The following SREBF2 variants were observed in gnomAD, a reference collection of about 807,000 sequenced individuals.
SREBF2 encodes the protein sterol regulatory element binding transcription factor 2.
A neutral mutation model predicts 113.1 loss-of-function variants in SREBF2; 55 were observed. That is an observed-to-expected ratio of 0.49 (90% CI 0.39 to 0.61). SREBF2 has a LOEUF of 0.61. Ranked by LOEUF, SREBF2 falls within the 20% of genes least tolerant of loss-of-function variation. The pLI, the probability that SREBF2 is intolerant of heterozygous loss-of-function variation, is 0.00. For synonymous variants in SREBF2, 593 were observed against 605.7 expected, an observed-to-expected ratio of 0.98 and a Z score of 0.31; for missense variants, 1,349 against 1,487.4, an observed-to-expected ratio of 0.91 and a Z score of 1.53.
intron 1 of SREBF2, among the ~76,000 whole-genome samples, chr22:41,836,053 C>T (rs1423837062): frequency 6.6e-6 from 1 of 152,232 alleles, no homozygotes; most frequent in Admixed American, 6.5e-5. Context: ...CTTCATAGGT[C>T]CATTAGGTTT....
intron 1 of SREBF2, among the ~76,000 whole-genome samples, chr22:41,862,341 A>G (rs1046815635): frequency 6.6e-6 from 1 of 152,324 alleles, no homozygotes. Context: ...CAGAACCCAG[A>G]TACAGTTTCC....
In SREBF2 at chr22:41,893,146, G is replaced by A; in HGVS notation, c.2238G>A (p.Leu746=). The A allele has an allele frequency of 6.2e-7, 1 of 1,614,038 alleles. No homozygotes were observed. The highest frequency in any genetic ancestry group is 1.1e-5 in the South Asian group (1 of 91,082). ...ACTTCCTCAGCCGAGCCCAGAGCCT[G>A]TGTGGCCCCGAGCACAGTGCTGTTC... The part of the protein sequence containing the change: ...ASYFLSRAQS[L]CGPEHSAVPD... The change falls in exon 12 of 19, where the codon CTG becomes CTA. Residue 746 remains leucine (L), a synonymous_variant. Coordinates refer to ENST00000361204, the MANE Select transcript of SREBF2 (RefSeq NM_004599.4).
chr22:41,857,577 G>A (rs1224010357), intron 1 of SREBF2, among the ~76,000 whole-genome samples: 2 of 152,128 alleles, frequency 1.3e-5, no homozygotes, highest in Non-Finnish European at 2.9e-5. Context: ...ACAAGCATTT[G>A]AGAATCCGCA....
intron 1 of SREBF2, among the ~76,000 whole-genome samples, chr22:41,865,162 C>A (rs1459000963): frequency 6.6e-6 from 1 of 152,030 alleles, no homozygotes; most frequent in East Asian, 1.9e-4. Flanking sequence ...CACACACACA[C>A]ACACACAGCA....
At chr22:41,875,799 T>C in intron 7 of SREBF2, 75 bp downstream of exon 7, 1 of 1,535,176 alleles carries the variant, frequency 6.5e-7, no homozygotes, top group Non-Finnish European at 9.0e-7. Context: ...GAGGTCACAG[T>C]TATGAGGCCA....
chr22:41,847,451 T>C (rs1374530972), intron 1 of SREBF2, among the ~76,000 whole-genome samples: 1 of 152,186 alleles, frequency 6.6e-6, no homozygotes, highest in Non-Finnish European at 1.5e-5. Context: ...AGCTGGGAGA[T>C]ACAGGAAAGA....
chr22:41,894,882 T>C lies in SREBF2; in HGVS notation c.2440T>C (p.Ser814Pro), dbSNP rs748444828. The C allele has an allele frequency of 1.2e-6, 2 of 1,613,738 alleles. No individual in the cohort carries two copies. Among genetic ancestry groups the C allele is most frequent in the East Asian group, 4.5e-5 (2 of 44,876 alleles). The change falls in exon 13 of 19, where the codon TCC (serine) becomes CCC (proline). Residue 814 changes from serine to proline, a missense_variant. This residue lies in a region of SREBF2 where 650 missense variants were observed against 644.1 expected (regional missense o/e 1.01). Transcript: ENST00000361204. ...CKNLLERAIE[S>P]LVKPQAKKKA... Reference sequence around the variant, plus strand: ...GAACCTGCTGGAGCGAGCTATAGAGTCCTTGGTGAAACCTCAGGCCAAGAA... The same window carrying C: ...GAACCTGCTGGAGCGAGCTATAGAGCCCTTGGTGAAACCTCAGGCCAAGAA...
intron 1 of SREBF2, among the ~76,000 whole-genome samples, chr22:41,836,384 A>G (rs1312423362): frequency 6.6e-6 from 1 of 152,248 alleles, no homozygotes; most frequent in Admixed American, 6.5e-5. Flanking sequence ...CACAACAAGT[A>G]AAAGTCAGCA....
In SREBF2 at chr22:41,906,751, G is replaced by GACCA. The variant is rs901652467; in HGVS notation, c.*1095_*1098dup. Reference sequence around the variant, plus strand: ...AAAATAAATAAACCAGGATGGCAGGGACCAACCCCTAATCCCTCCCCAGCG... The same window carrying GACCA: ...AAAATAAATAAACCAGGATGGCAGGGACCAACCAACCCCTAATCCCTCCCCAGCG... On this transcript the variant is annotated 3_prime_UTR_variant, in exon 19 of 19. Coordinates refer to ENST00000361204, the MANE Select transcript of SREBF2 (RefSeq NM_004599.4). 1.6e-4 allele frequency: 25 copies of GACCA among 152,270 alleles called. No individual in the cohort carries two copies. Among genetic ancestry groups the GACCA allele is most frequent in the Admixed American group, 1.4e-3 (22 of 15,298 alleles). The allele number at this position is 152,270 out of a possible 1,614,324, so 9.4% of individuals were successfully genotyped here. A position where few individuals can be genotyped will look rare whatever the true frequency, so the allele number is the denominator to read the frequency against.
Position 41,833,282 on chromosome 22 carries a change from C to G in SREBF2, c.12C>G (p.Ser4Arg). Residue 4 changes from serine (S) to arginine (R), a missense_variant, in exon 1 of 19, where the codon AGC becomes AGG. Physicochemically the swap from Ser to Arg is moderately radical, Grantham distance 110. Coordinates refer to ENST00000361204, the MANE Select transcript of SREBF2 (RefSeq NM_004599.4). The surrounding 1 kb of genome is among the most constrained non-coding windows in gnomAD (Gnocchi z 4.1). The stretch of plus-strand genomic sequence containing the variant: ...CGCTGAGCCGGGCGATGGACGACAG[C>G]GGCGAGCTGGGTGGTCTGGAGACCA... MDD[S>R]GELGGLETME... 1 of 1,338,500 alleles carries G rather than the reference C, an allele frequency of 7.5e-7. No homozygotes were observed. Among genetic ancestry groups the G allele is most frequent in the African/African-American group, 1.6e-5 (1 of 62,952 alleles). The allele number at this position is 1,338,500 out of a possible 1,614,324, so 82.9% of individuals were successfully genotyped here. A position where few individuals can be genotyped will look rare whatever the true frequency, so the allele number is the denominator to read the frequency against.
chr22:41,866,478 A>G (rs1321140648), intron 1 of SREBF2, among the ~76,000 whole-genome samples: 1 of 152,194 alleles, frequency 6.6e-6, no homozygotes, highest in African/African-American at 2.4e-5. Flanking sequence ...TGAACCCAGG[A>G]GGCAGAGGTT....
intron 11 of SREBF2, 104 bp from the exon 12 acceptor site, chr22:41,893,013 C>A: frequency 1.4e-6 from 2 of 1,388,484 alleles, no homozygotes; most frequent in Non-Finnish European, 2.0e-6. Context: ...CTTTCCCAGT[C>A]TCCCCCAAAG....
intron 11 of SREBF2, among the ~76,000 whole-genome samples, chr22:41,892,423 G>A (rs1233815020): frequency 2.6e-5 from 4 of 152,174 alleles, no homozygotes; most frequent in Non-Finnish European, 5.9e-5. Context: ...GCCGAGACGG[G>A]CGGATCACGA....
rs1042348018 is a variant in SREBF2, at chr22:41,905,748, C to G, written c.*88C>G. 16 of 1,407,164 alleles carry G rather than the reference C, an allele frequency of 1.1e-5. No individual in the cohort carries two copies. Among genetic ancestry groups the G allele is most frequent in the South Asian group, 9.9e-5 (8 of 80,636 alleles). The allele number at this position is 1,407,164 out of a possible 1,614,324, so 87.2% of individuals were successfully genotyped here. A position where few individuals can be genotyped will look rare whatever the true frequency, so the allele number is the denominator to read the frequency against. On this transcript the variant is annotated 3_prime_UTR_variant, in exon 19 of 19. Coordinates refer to ENST00000361204, the MANE Select transcript of SREBF2 (RefSeq NM_004599.4). ...TCCCGCTGAGAGTGGTGGGGAAGAG[C>G]CTTGTCTTCTTAGCTGTCACCTGCC...
chr22:41,898,604 C>T (rs1004699637), intron 14 of SREBF2, 45 bp from the exon 15 acceptor site: 17 of 1,612,738 alleles, frequency 1.1e-5, no homozygotes, highest in Admixed American at 3.3e-5. Context: ...CCACAGGTCT[C>T]GTTTCTGTGG....
intron 2 of SREBF2, among the ~76,000 whole-genome samples, chr22:41,867,700 G>A (rs1312504303): frequency 1.3e-5 from 2 of 152,216 alleles, no homozygotes; most frequent in East Asian, 1.9e-4. Flanking sequence ...CCAGCTACTC[G>A]GGAGGCTGAG....
At position 41,905,831 on chromosome 22, in the gene SREBF2, G is replaced by A. The variant is rs557842072; in HGVS notation, c.*171G>A. 1.4e-5 allele frequency: 11 copies of A among 783,422 alleles called. No individual in the cohort carries two copies. The highest frequency in any genetic ancestry group is 1.0e-4 in the African/African-American group (6 of 58,618). The allele number at this position is 783,422 out of a possible 1,614,324, so 48.5% of individuals were successfully genotyped here. On this transcript the variant is annotated 3_prime_UTR_variant, in exon 19 of 19. Transcript: ENST00000361204. ...CTGGGCAGAGCCCCTTAAAGCTGCT[G>A]TCACTAGATGCCCATGGTCCAGGGC...
At chr22:41,871,082 T>C (rs1431113678) in intron 4 of SREBF2, 47 bp downstream of exon 4, 1 of 1,610,552 alleles carries the variant, frequency 6.2e-7, no homozygotes, top group South Asian at 1.1e-5. Flanking sequence ...CCTTTATTCC[T>C]GGAGGTGTTA....
rs776823018 is a variant in SREBF2, at chr22:41,866,926, A to AGCAGCAGCG, written c.192_200dup (p.Gly68_Ser70dup). The AGCAGCAGCG allele has an allele frequency of 1.1e-5, 18 of 1,613,824 alleles. No individual in the cohort carries two copies. Among genetic ancestry groups the AGCAGCAGCG allele is most frequent in the East Asian group, 2.2e-5 (1 of 44,896 alleles). On this transcript the variant is annotated inframe_insertion, in exon 2 of 19. Transcript: ENST00000361204. ...CTTTCCTGGCAGTGGTGGTAGTGGT[A>AGCAGCAGCG]GCAGCAGCGGCAGCAGTGGCAGCAG... is the stretch of plus-strand genomic sequence containing the variant.
Sources: allele counts gnomAD v4.1 joint callset (sites outside exome capture counted in the v4.1 genomes callset), GRCh38; gene constraint gnomAD v4.1.1; regional missense constraint gnomAD v4.1.1; non-coding constraint Gnocchi (gnomAD v3.1); transcripts MANE v1.5; gene names NCBI Gene and HGNC (gene_info 2026-07-23, HGNC 2026-07-21).